Variants in ENKUR observed in about 807,000 individuals in gnomAD.
ENKUR encodes the protein enkurin.
A neutral mutation model predicts 27.6 loss-of-function variants in ENKUR; 19 were observed. That is an observed-to-expected ratio of 0.69 (90% CI 0.48 to 1.01). The LOEUF (loss-of-function observed/expected upper bound fraction) is 1.01. Among genes scored for constraint, ENKUR ranks in the 50% least tolerant of loss-of-function variants. The pLI, the probability that ENKUR is intolerant of heterozygous loss-of-function variation, is 0.00. For synonymous variants in ENKUR, 117 were observed against 96.9 expected (o/e 1.21, Z -1.22); for missense variants, 312 against 310.5 (o/e 1.00, Z -0.04).
At chr10:25,051,821 G>C (rs1006046371) in intron 2 of ENKUR, among the ~76,000 whole-genome samples, 1 of 152,198 alleles carries the variant, frequency 6.6e-6, no homozygotes, top group Non-Finnish European at 1.5e-5. Context: ...AGAACGAGGA[G>C]TACAGAGGCT....
At chr10:25,054,531 C>T (rs58541829) in intron 2 of ENKUR, among the ~76,000 whole-genome samples, 1,798 of 93,402 alleles carry the variant, frequency 0.019, 48 homozygotes, top group African/African-American at 0.069. Context: ...TCTTTCTTTC[C>T]TTTCTTTCTT....
At chr10:25,008,273 G>A (rs1227380368) in intron 1 of ENKUR, among the ~76,000 whole-genome samples, 3 of 152,100 alleles carry the variant, frequency 2.0e-5, no homozygotes, top group African/African-American at 7.2e-5. Context: ...GAATAGTCTA[G>A]ACTTTCTTTG....
rs529277079 is a variant in ENKUR, at chr10:24,984,430, G to A, written c.765-54C>T. 6 of 1,548,696 alleles carry A rather than the reference G, an allele frequency of 3.9e-6. No homozygotes were observed. The East Asian group carries it at 1.4e-4, about 35-fold the overall frequency. ...TTCTGAGTGCTGACTTTATTTTTCAGGACCTAGAAATTAATGTTTATGTGA... is the reference window on the plus strand; with the variant it reads ...TTCTGAGTGCTGACTTTATTTTTCAAGACCTAGAAATTAATGTTTATGTGA... On this transcript the variant is annotated intron_variant, in intron 5 of 5. Coordinates refer to ENST00000331161, the MANE Select transcript of ENKUR (RefSeq NM_145010.4).
chr10:25,008,991 C>T (rs370902896), intron 1 of ENKUR, among the ~76,000 whole-genome samples: 58 of 151,592 alleles, frequency 3.8e-4, no homozygotes, highest in African/African-American at 1.1e-3. Context: ...TCATTCTCAG[C>T]AAACTATCAC....
chr10:25,020,380 A>G (rs1850695989), upstream of ENKUR, among the ~76,000 whole-genome samples: 1 of 152,140 alleles, frequency 6.6e-6, no homozygotes, highest in Non-Finnish European at 1.5e-5. Flanking sequence ...TGCAAAACAT[A>G]AGGTGAAGGT....
chr10:25,020,238 A>ATATATCTATATCTATATC (rs1554772119), upstream of ENKUR, among the ~76,000 whole-genome samples: 2,589 of 126,600 alleles, frequency 0.02, 60 homozygotes, highest in African/African-American at 0.052. Flanking sequence ...TTTCTTTAAA[A>ATATATCTATATCTATATC]TATATCTATA....
Position 25,024,055 on chromosome 10 carries a change from G to A in ENKUR, c.38-28186C>T, listed in dbSNP as rs549657853. 5.6e-5 allele frequency: 90 copies of A among 1,614,150 alleles called. No individual in the cohort carries two copies. The highest frequency in any genetic ancestry group is 3.3e-4 in the Middle Eastern group (2 of 6,062). On this transcript the variant is annotated intron_variant, in intron 2 of 5. Transcript: ENST00000615958. Reference sequence around the variant, plus strand: ...AAAGGAGTTTCCAAAATTAAGCTGCGGGGAGTGGAAAAGCCTAGTAGGAGC... The same window carrying A: ...AAAGGAGTTTCCAAAATTAAGCTGCAGGGAGTGGAAAAGCCTAGTAGGAGC...
intron 2 of ENKUR, among the ~76,000 whole-genome samples, chr10:25,049,944 T>A (rs1051920574): frequency 2.6e-5 from 4 of 152,174 alleles, no homozygotes; most frequent in African/African-American, 9.7e-5. Flanking sequence ...TGGCTCATGG[T>A]TCTGCAGGCT....
chr10:24,986,751 G>A (rs2132665631), intron 4 of ENKUR, among the ~76,000 whole-genome samples: 1 of 152,292 alleles, frequency 6.6e-6, no homozygotes, highest in South Asian at 2.1e-4. Flanking sequence ...GCCAGGGATG[G>A]AAACTAAATG....
At position 25,006,709 on chromosome 10, in the gene ENKUR, T is replaced by A. The variant is rs962201479; in HGVS notation, c.78-7163A>T. Among the ~76,000 whole-genome samples the A allele has an allele frequency of 1.3e-4, 20 of 152,168 alleles. 1 individual carries two copies. Among genetic ancestry groups the A allele is most frequent in the Admixed American group, 1.2e-3 (18 of 15,278 alleles). ...AAATAGTATCTGATATATAATAAAT[T>A]ATCAAAAACTAAACAATTATAGATG... On this transcript the variant is annotated intron_variant, in intron 1 of 5. Coordinates refer to ENST00000331161, the MANE Select transcript of ENKUR (RefSeq NM_145010.4).
At chr10:25,006,648 C>T (rs1324074125) in intron 1 of ENKUR, among the ~76,000 whole-genome samples, 1 of 152,074 alleles carries the variant, frequency 6.6e-6, no homozygotes, top group East Asian at 1.9e-4. Context: ...TCAAAAAAAA[C>T]CTCACTGCAT....
upstream of ENKUR, among the ~76,000 whole-genome samples, chr10:25,018,988 T>C (rs896288870): frequency 1.3e-5 from 2 of 152,176 alleles, no homozygotes; most frequent in Non-Finnish European, 2.9e-5. Context: ...TGTGTGGTCC[T>C]TCCACCCTCA....
intron 2 of ENKUR, among the ~76,000 whole-genome samples, chr10:25,041,300 A>AGCTGTTTTCAAGG (rs1413655836): frequency 2.0e-5 from 3 of 151,900 alleles, no homozygotes; most frequent in Non-Finnish European, 1.5e-5. Context: ...TTTTTTTCCT[A>AGCTGTTTTCAAGG]GCTGTTTTCA....
chr10:25,054,489 C>G (rs940034206), intron 2 of ENKUR, among the ~76,000 whole-genome samples: 1 of 120,772 alleles, frequency 8.3e-6, no homozygotes, highest in Non-Finnish European at 1.8e-5. Flanking sequence ...TTCTTTCTTT[C>G]TTTCTTTCTT....
At chr10:25,029,284 G>C (rs1359220585) in intron 2 of ENKUR, among the ~76,000 whole-genome samples, 1 of 152,082 alleles carries the variant, frequency 6.6e-6, no homozygotes, top group Admixed American at 6.5e-5. Context: ...ATAATTTCTA[G>C]CTTTCACTGA....
intron 1 of ENKUR, among the ~76,000 whole-genome samples, chr10:25,009,811 CTCGTTTCCCACTA>C (rs1588663187): frequency 6.6e-6 from 1 of 152,192 alleles, no homozygotes; most frequent in East Asian, 1.9e-4. Context: ...TGCACACACT[CTCGTTTCCCACTA>C]TGTAAGATGT....
chr10:25,002,588 A>T (rs577441803), intron 1 of ENKUR, among the ~76,000 whole-genome samples: 19 of 151,746 alleles, frequency 1.3e-4, no homozygotes, highest in South Asian at 4.2e-4. Flanking sequence ...TGTTTCATAT[A>T]TTTTTTTTCT....
upstream of ENKUR, among the ~76,000 whole-genome samples, chr10:25,019,128 A>G (rs1376678834): frequency 6.6e-6 from 1 of 152,208 alleles, no homozygotes; most frequent in East Asian, 1.9e-4. Flanking sequence ...TTAGTTCTCC[A>G]TATCTGTGAA....
At chr10:24,984,420 T>G in intron 5 of ENKUR, 44 bp from the exon 6 acceptor site, 1 of 1,574,470 alleles carries the variant, frequency 6.4e-7, no homozygotes, top group Non-Finnish European at 8.6e-7. Flanking sequence ...AGTGCTGACT[T>G]TATTTTTCAG....
Sources: gnomAD v4.1 joint callset for allele counts (sites outside exome capture counted in the v4.1 genomes callset) on GRCh38, gnomAD v4.1.1 for gene constraint, MANE v1.5 for transcripts, NCBI Gene and HGNC (gene_info 2026-07-23, HGNC 2026-07-21) for gene names.